The following LRFN2 variants were observed in gnomAD, a reference collection of about 807,000 sequenced individuals.
The protein encoded by LRFN2 is leucine rich repeat and fibronectin type III domain containing 2, also known as leucine-rich repeat and fibronectin type-III domain-containing protein 2.
A neutral mutation model predicts 37.3 loss-of-function variants in LRFN2; 18 were observed. The ratio of observed to expected loss-of-function variants is 0.48; its 90% confidence interval spans 0.33 to 0.72. The LOEUF is 0.72. Among genes scored for constraint, LRFN2 ranks in the 30% least tolerant of loss-of-function variants. The pLI is 0.02. For missense variants in LRFN2, 1,006 were observed against 1,060.7 expected (o/e 0.95, Z 0.72); for synonymous variants, 556 against 466.6 (o/e 1.19, Z -2.47).
chr6:40,427,527 G>T (rs1012413680), intron 2 of LRFN2, among the ~76,000 whole-genome samples: 3 of 152,208 alleles, frequency 2.0e-5, no homozygotes, highest in African/African-American at 7.2e-5. Flanking sequence ...CTCATGAATG[G>T]CAAGGAGGCA....
At position 40,432,650 on chromosome 6, in the gene LRFN2, T is replaced by C; in HGVS notation, c.464A>G (p.Asp155Gly). 1 of 1,613,816 alleles carries C rather than the reference T, an allele frequency of 6.2e-7. No individual in the cohort carries two copies. The highest frequency in any genetic ancestry group is 8.5e-7 in the Non-Finnish European group (1 of 1,179,928). The change falls in exon 2 of 3, where the codon GAC becomes GGC. Residue 155 changes from aspartate (D) to glycine (G), a missense_variant. Coordinates refer to ENST00000338305, the MANE Select transcript of LRFN2 (RefSeq NM_020737.3). The stretch of plus-strand genomic sequence containing the variant: ...GCCATGGAGGTTGTTGTAGGAGAGG[T>C]CCAGATCCTCCAATGTCAGCAGGAA... ...EDFLLTLEDLDLSYNNLHGLP... is the reference protein window; with the variant it reads ...EDFLLTLEDLGLSYNNLHGLP...
At chr6:40,429,650 T>G (rs1763434250) in intron 2 of LRFN2, among the ~76,000 whole-genome samples, 1 of 152,212 alleles carries the variant, frequency 6.6e-6, no homozygotes, top group Non-Finnish European at 1.5e-5. Flanking sequence ...GTATAAAGAT[T>G]ATAATTTACC....
At chr6:40,402,328 C>A (rs1475834559) in intron 2 of LRFN2, among the ~76,000 whole-genome samples, 2 of 152,174 alleles carry the variant, frequency 1.3e-5, no homozygotes, top group African/African-American at 4.8e-5. Flanking sequence ...AGTGGCTGAG[C>A]CAGGTCTGCC....
chr6:40,531,508 C>T (rs1229038156), intron 1 of LRFN2, among the ~76,000 whole-genome samples: 1 of 152,160 alleles, frequency 6.6e-6, no homozygotes, highest in Non-Finnish European at 1.5e-5. Context: ...GTCAATTCTA[C>T]CCAATGGTCT....
At chr6:40,417,376 G>A in intron 2 of LRFN2, among the ~76,000 whole-genome samples, 1 of 152,162 alleles carries the variant, frequency 6.6e-6, no homozygotes, top group East Asian at 1.9e-4. Context: ...AGGTCACTGA[G>A]CCCCTGACCA....
chr6:40,492,785 G>A (rs898359564), intron 1 of LRFN2, among the ~76,000 whole-genome samples: 32 of 152,246 alleles, frequency 2.1e-4, no homozygotes, highest in Middle Eastern at 3.4e-3. Flanking sequence ...ACCAGAACCA[G>A]TTCCGAAGCC....
At chr6:40,399,468 CT>C in intron 2 of LRFN2, among the ~76,000 whole-genome samples, 2 of 136,602 alleles carry the variant, frequency 1.5e-5, no homozygotes. Context: ...CACAGTCTCA[CT>C]CTGTAGCCCA....
intron 1 of LRFN2, among the ~76,000 whole-genome samples, chr6:40,464,365 T>A (rs1332338148): frequency 6.6e-6 from 1 of 152,214 alleles, no homozygotes; most frequent in Non-Finnish European, 1.5e-5. Flanking sequence ...TGTTGAGAGT[T>A]GGGACCTTTA....
Position 40,431,705 on chromosome 6 carries a change from C to T in LRFN2, c.1400+9G>A. The T allele has an allele frequency of 2.7e-6, 4 of 1,506,548 alleles. No homozygotes were observed. Among genetic ancestry groups the T allele is most frequent in the Non-Finnish European group, 2.7e-6 (3 of 1,127,960 alleles). 93.3% of individuals were successfully genotyped at this position (1,506,548 alleles called of 1,614,324 possible). A position where few individuals can be genotyped will look rare whatever the true frequency, so the allele number is the denominator to read the frequency against. On this transcript the variant is annotated intron_variant, in intron 2 of 2. Coordinates refer to ENST00000338305, the MANE Select transcript of LRFN2 (RefSeq NM_020737.3). ...ACCCTCCCTGCCTTTGCCACAGCCGCTTGCTCACCTGTAAATCAGTACCTC... is the reference window on the plus strand; with the variant it reads ...ACCCTCCCTGCCTTTGCCACAGCCGTTTGCTCACCTGTAAATCAGTACCTC...
At chr6:40,517,274 A>C (rs1354305420) in intron 1 of LRFN2, 1 of 152,218 alleles carries the variant, frequency 6.6e-6, no homozygotes, top group Non-Finnish European at 1.5e-5. Flanking sequence ...AAGGAACATT[A>C]CCAGGGAGTG....
At chr6:40,445,498 G>T (rs979331989) in intron 1 of LRFN2, among the ~76,000 whole-genome samples, 1 of 152,218 alleles carries the variant, frequency 6.6e-6, no homozygotes, top group Non-Finnish European at 1.5e-5. Flanking sequence ...GGTGCTGATT[G>T]TGGCCTTGAA....
At chr6:40,513,784 C>T (rs1268726916) in intron 1 of LRFN2, among the ~76,000 whole-genome samples, 1 of 152,046 alleles carries the variant, frequency 6.6e-6, no homozygotes, top group East Asian at 1.9e-4. Context: ...AGGAAGGTCT[C>T]ATCAAGATGA....
At chr6:40,584,297 A>G (rs552870771) in intron 1 of LRFN2, among the ~76,000 whole-genome samples, 2 of 152,300 alleles carry the variant, frequency 1.3e-5, no homozygotes, top group South Asian at 4.1e-4. Context: ...TAATACATCT[A>G]TTGGGTACAT....
chr6:40,500,318 A>T (rs1472477367), intron 1 of LRFN2, among the ~76,000 whole-genome samples: 3 of 152,246 alleles, frequency 2.0e-5, no homozygotes, highest in Non-Finnish European at 4.4e-5. Context: ...AGAAGGCCAC[A>T]GGGGACGTGG....
rs556066959 is a variant in LRFN2, at chr6:40,587,038, G to C, written c.-116C>G. On this transcript the variant is annotated 5_prime_UTR_variant, in exon 1 of 3. Coordinates refer to ENST00000338305, the MANE Select transcript of LRFN2 (RefSeq NM_020737.3). The surrounding 1 kb of genome is among the most constrained non-coding windows in gnomAD (Gnocchi z 4.2). ...CTCGGCCACGCATCCTTCCCCGCCC[G>C]AGACAGACTCGAGCTAAACCCTCCG... The C allele has an allele frequency of 1.4e-4, 22 of 152,192 alleles. No individual in the cohort carries two copies. Among genetic ancestry groups the C allele is most frequent in the Non-Finnish European group, 2.1e-4 (14 of 68,060 alleles). 9.4% of individuals were successfully genotyped at this position (152,192 alleles called of 1,614,324 possible).
At chr6:40,505,175 G>A (rs1294601076) in intron 1 of LRFN2, among the ~76,000 whole-genome samples, 1 of 152,186 alleles carries the variant, frequency 6.6e-6, no homozygotes, top group Non-Finnish European at 1.5e-5. Flanking sequence ...TAACCTGTCA[G>A]TGGGGTCTCC....
chr6:40,557,638 G>A (rs1766915102), intron 1 of LRFN2, among the ~76,000 whole-genome samples: 1 of 152,160 alleles, frequency 6.6e-6, no homozygotes, highest in Non-Finnish European at 1.5e-5. Flanking sequence ...AGATACCACA[G>A]CCAGGACCCA....
In LRFN2 at chr6:40,398,843, T is replaced by C. The variant is rs529237478; in HGVS notation, c.1401-5931A>G. ...GTTAATATTATTTTGGCATTGTTCATTCAGCTTAACACTAGCACACAAATC... is the reference window on the plus strand; with the variant it reads ...GTTAATATTATTTTGGCATTGTTCACTCAGCTTAACACTAGCACACAAATC... On this transcript the variant is annotated intron_variant, in intron 2 of 2. Transcript: ENST00000338305. Among the ~76,000 whole-genome samples, 5 of 152,028 alleles carry C rather than the reference T, an allele frequency of 3.3e-5. No homozygotes were observed. In the South Asian group the frequency reaches 1.0e-3, roughly 32 times the overall value.
intron 1 of LRFN2, among the ~76,000 whole-genome samples, chr6:40,481,766 A>T (rs1764837609): frequency 6.6e-6 from 1 of 152,104 alleles, no homozygotes; most frequent in Non-Finnish European, 1.5e-5. Flanking sequence ...CAGTGTTCAG[A>T]TCTGAGAGGT....
Sources: allele counts gnomAD v4.1 joint callset (sites outside exome capture counted in the v4.1 genomes callset), GRCh38; gene constraint gnomAD v4.1.1; non-coding constraint Gnocchi (gnomAD v3.1); transcripts MANE v1.5; gene names NCBI Gene and HGNC (gene_info 2026-07-23, HGNC 2026-07-21).